ATP2B2: variants seen among roughly 807,000 people sequenced by gnomAD.
The protein encoded by ATP2B2 is plasma membrane calcium-transporting ATPase 2.
A neutral mutation model predicts 120.0 loss-of-function variants in ATP2B2; 15 were observed. The ratio of observed to expected loss-of-function variants is 0.12; its 90% CI spans 0.08 to 0.19. The LOEUF is 0.19. ATP2B2 is among the 10% of genes least tolerant of loss of function. The pLI, the probability that ATP2B2 is intolerant of heterozygous loss-of-function variation, is 1.00. For missense variants in ATP2B2, 1,045 were observed against 1,719.8 expected, an observed-to-expected ratio of 0.61 and a Z score of 6.94; for synonymous variants, 694 against 700.3, an observed-to-expected ratio of 0.99 and a Z score of 0.14.
At chr3:10,586,413 G>T (rs192805378) in intron 2 of ATP2B2, among the ~76,000 whole-genome samples, 1 of 152,204 alleles carries the variant, frequency 6.6e-6, no homozygotes, top group Non-Finnish European at 1.5e-5. Context: ...TACTTTTGCC[G>T]TTTTGCAGAT....
chr3:10,455,278 C>G (rs1259828777), intron 1 of ATP2B2, among the ~76,000 whole-genome samples: 3 of 152,166 alleles, frequency 2.0e-5, no homozygotes, highest in Non-Finnish European at 4.4e-5. Flanking sequence ...CCCAGTTTCC[C>G]CTCTTTGTAA....
chr3:10,565,933 C>T (rs536352760), intron 2 of ATP2B2, among the ~76,000 whole-genome samples: 1 of 152,310 alleles, frequency 6.6e-6, no homozygotes, highest in South Asian at 2.1e-4. Context: ...CTTCCACCTA[C>T]CGACCCCCTC....
At chr3:10,672,672 G>A (rs1181366195) in intron 1 of ATP2B2, among the ~76,000 whole-genome samples, 1 of 152,192 alleles carries the variant, frequency 6.6e-6, no homozygotes, top group East Asian at 1.9e-4. Context: ...TCCAACCAGG[G>A]TGTGCTGAAC....
At chr3:10,435,252 C>T (rs960034017) in intron 2 of ATP2B2, among the ~76,000 whole-genome samples, 4 of 152,188 alleles carry the variant, frequency 2.6e-5, no homozygotes, top group Admixed American at 2.6e-4. Context: ...ACTTTCCCTC[C>T]GGCTCCCATC....
chr3:10,553,977 C>T (rs1490036879), intron 2 of ATP2B2, among the ~76,000 whole-genome samples: 7 of 141,296 alleles, frequency 5.0e-5, no homozygotes, highest in Non-Finnish European at 1.1e-4. Flanking sequence ...TGAGCAGGAG[C>T]GGTACACAGA....
intron 1 of ATP2B2, among the ~76,000 whole-genome samples, chr3:10,488,511 C>CTTCG (rs1289173628): frequency 0.18 from 13,436 of 73,780 alleles, 988 homozygotes; most frequent in African/African-American, 0.26. Context: ...TCCTTCGTTC[C>CTTCG]TTCCTTCCTT....
chr3:10,502,707 C>T (rs1447858741), intron 1 of ATP2B2, among the ~76,000 whole-genome samples: 2 of 152,258 alleles, frequency 1.3e-5, no homozygotes, highest in African/African-American at 2.4e-5. Context: ...GTCAGGGCCA[C>T]GCCCGCCTGG....
At chr3:10,471,509 GAA>G (rs2065003119) in intron 1 of ATP2B2, among the ~76,000 whole-genome samples, 1 of 152,048 alleles carries the variant, frequency 6.6e-6, no homozygotes, top group African/African-American at 2.4e-5. Flanking sequence ...GGGAGGAGGG[GAA>G]AGAGAAAGGA....
chr3:10,610,204 A>T (rs1479609016), intron 2 of ATP2B2, among the ~76,000 whole-genome samples: 1 of 150,952 alleles, frequency 6.6e-6, no homozygotes, highest in African/African-American at 2.4e-5. Context: ...ATTTTTTTTT[A>T]TCTGGCCCAC....
intron 1 of ATP2B2, among the ~76,000 whole-genome samples, chr3:10,483,473 C>G (rs1035783561): frequency 6.6e-6 from 1 of 152,224 alleles, no homozygotes; most frequent in Admixed American, 6.5e-5. Context: ...GCACTGAGAG[C>G]AGAAGGCAAT....
intron 12 of ATP2B2, among the ~76,000 whole-genome samples, chr3:10,369,959 G>A (rs2061177504): frequency 6.6e-6 from 1 of 152,160 alleles, no homozygotes; most frequent in Admixed American, 6.5e-5. Flanking sequence ...ATGATGCCAG[G>A]GTTCCAGGCA....
chr3:10,442,645 T>C (rs909786717), intron 2 of ATP2B2, among the ~76,000 whole-genome samples: 9 of 152,282 alleles, frequency 5.9e-5, no homozygotes, highest in Admixed American at 4.6e-4. Context: ...ATAATAAGCA[T>C]TGCAAATCAA....
Position 10,375,319 on chromosome 3 carries a change from C to G in ATP2B2, c.1416+111G>C. The G allele has an allele frequency of 4.4e-6, 4 of 910,658 alleles. No homozygotes were observed. The highest frequency in any genetic ancestry group is 7.0e-6 in the Non-Finnish European group (4 of 569,414). The allele number at this position is 910,658 out of a possible 1,614,324, so 56.4% of individuals were successfully genotyped here. ...TTCTTCTTCCAAGCTCCTAGGGGGT[C>G]TATGGGGCTTCTTCGTTCATCTCCC... On this transcript the variant is annotated intron_variant, in intron 11 of 22. Coordinates refer to ENST00000360273, the MANE Select transcript of ATP2B2 (RefSeq NM_001001331.4). This position sits in a 1 kb window ranked among gnomAD's most constrained non-coding sequence, Gnocchi z 4.2.
intron 1 of ATP2B2, among the ~76,000 whole-genome samples, chr3:10,497,985 A>T (rs903862108): frequency 6.6e-6 from 1 of 152,042 alleles, no homozygotes; most frequent in Admixed American, 6.5e-5. Context: ...CCCTTATAAA[A>T]CTGATCTTAT....
At chr3:10,567,753 T>G (rs1365246350) in intron 2 of ATP2B2, among the ~76,000 whole-genome samples, 2 of 152,142 alleles carry the variant, frequency 1.3e-5, no homozygotes, top group Admixed American at 1.3e-4. Flanking sequence ...GCTTGAGGAA[T>G]AGGATGTGGT....
intron 3 of ATP2B2, among the ~76,000 whole-genome samples, chr3:10,404,387 G>T (rs1244623321): frequency 6.6e-6 from 1 of 152,234 alleles, no homozygotes; most frequent in African/African-American, 2.4e-5. Flanking sequence ...TTGAATCCCA[G>T]CTGCGCTAAC....
intron 2 of ATP2B2, among the ~76,000 whole-genome samples, chr3:10,587,547 T>C (rs1006585999): frequency 2.0e-5 from 3 of 151,988 alleles, no homozygotes; most frequent in Non-Finnish European, 4.4e-5. Context: ...ACCCAGCTAA[T>C]TTTTGTATTT....
At chr3:10,491,836 G>A (rs1015226600) in intron 1 of ATP2B2, among the ~76,000 whole-genome samples, 3 of 152,110 alleles carry the variant, frequency 2.0e-5, no homozygotes, top group South Asian at 4.1e-4. Context: ...ATGGTAAGTC[G>A]AGCCATGATT....
chr3:10,651,895 C>T lies in ATP2B2; in HGVS notation c.-459-31934G>A, dbSNP rs975127761. Among the ~76,000 whole-genome samples the T allele has an allele frequency of 4.6e-5, 7 of 152,146 alleles. No individual in the cohort carries two copies. In the South Asian group the frequency reaches 8.3e-4, roughly 18 times the overall value. On this transcript the variant is annotated intron_variant, in intron 1 of 21. Transcript: ENST00000646379. ...TCTTTAGCTTAATGCCAGTCATGCTCCATCTGTCTTACTCCCCTGTTTCAA... is the reference window on the plus strand; with the variant it reads ...TCTTTAGCTTAATGCCAGTCATGCTTCATCTGTCTTACTCCCCTGTTTCAA...
Sources: gnomAD v4.1 joint callset for allele counts (sites outside exome capture counted in the v4.1 genomes callset) on GRCh38, gnomAD v4.1.1 for gene constraint, Gnocchi (gnomAD v3.1) non-coding constraint, MANE v1.5 for transcripts, NCBI Gene and HGNC (gene_info 2026-07-23, HGNC 2026-07-21) for gene names.